Variants in MAGI1 observed in about 807,000 individuals in gnomAD.
MAGI1 encodes membrane associated guanylate kinase, WW and PDZ domain containing 1, also known as membrane-associated guanylate kinase, WW and PDZ domain-containing protein 1.
In MAGI1, 58 loss-of-function variants were observed where a neutral mutation model predicts 139.9. The observed-to-expected ratio is 0.41, with a 90% confidence interval of 0.34 to 0.52. The LOEUF is 0.52. Among genes scored for constraint, MAGI1 ranks in the 20% least tolerant of loss-of-function variants. The pLI is 0.12. For synonymous variants in MAGI1, 812 were observed against 737.9 expected (o/e 1.10, Z -1.63); for missense variants, 1,874 against 1,901.6 (o/e 0.99, Z 0.27).
chr3:65,864,509 A>G (rs563557162), intron 1 of MAGI1, among the ~76,000 whole-genome samples: 9 of 152,392 alleles, frequency 5.9e-5, no homozygotes, highest in African/African-American at 1.4e-4. Flanking sequence ...GCCACCCGTC[A>G]GCGAGACGGC....
At chr3:65,604,176 T>G (rs2082621889) in intron 2 of MAGI1, among the ~76,000 whole-genome samples, 1 of 151,694 alleles carries the variant, frequency 6.6e-6, no homozygotes, top group African/African-American at 2.4e-5. Context: ...CATTTATGTT[T>G]AAAAACATCC....
At chr3:65,670,104 C>A (rs1005372348) in intron 1 of MAGI1, among the ~76,000 whole-genome samples, 8 of 152,242 alleles carry the variant, frequency 5.3e-5, no homozygotes, top group Non-Finnish European at 5.9e-5. Flanking sequence ...TAGCAGAATT[C>A]ATGTTGCTCG....
At chr3:66,012,799 G>T (rs2067397851) in intron 1 of MAGI1, among the ~76,000 whole-genome samples, 1 of 151,312 alleles carries the variant, frequency 6.6e-6, no homozygotes, top group African/African-American at 2.4e-5. Context: ...TAAGGGGACA[G>T]ATGTGAAATC....
At chr3:65,407,239 G>A (rs866578802) in intron 12 of MAGI1, among the ~76,000 whole-genome samples, 2 of 152,118 alleles carry the variant, frequency 1.3e-5, no homozygotes, top group African/African-American at 4.8e-5. Flanking sequence ...CTGAGGTCAA[G>A]AGTTTGAGAC....
At chr3:65,956,734 A>C (rs1245377756) in intron 1 of MAGI1, among the ~76,000 whole-genome samples, 3 of 152,318 alleles carry the variant, frequency 2.0e-5, no homozygotes, top group African/African-American at 7.2e-5. Context: ...ATGGTGGCTC[A>C]CACCTGTAAT....
chr3:65,356,770 C>G lies in MAGI1; in HGVS notation c.3997G>C (p.Ala1333Pro). Residue 1333 changes from alanine to proline, a missense_variant, in exon 23 of 23, where the codon GCC becomes CCC. By Grantham distance (27) the Ala-to-Pro change is conservative. Transcript: ENST00000402939. The stretch of plus-strand genomic sequence containing the variant: ...TCCCTCCTCTCCAAAGTGTTGTCGG[C>G]GCTGCGGGTGCCCTCCCTCCGCTTC... ...PEKRREGTRS[A>P]DNTLERREKH... 1 of 1,605,398 alleles carries G rather than the reference C, an allele frequency of 6.2e-7. No individual in the cohort carries two copies. The highest frequency in any genetic ancestry group is 8.5e-7 in the Non-Finnish European group (1 of 1,176,052).
intron 1 of MAGI1, among the ~76,000 whole-genome samples, chr3:65,957,760 T>C (rs1052512399): frequency 2.6e-5 from 4 of 151,948 alleles, no homozygotes; most frequent in South Asian, 4.1e-4. Flanking sequence ...TTCTTTGTTG[T>C]TGTTGTTGTT....
At chr3:65,608,181 C>G (rs2082850988) in intron 2 of MAGI1, among the ~76,000 whole-genome samples, 2 of 152,150 alleles carry the variant, frequency 1.3e-5, no homozygotes, top group African/African-American at 4.8e-5. Flanking sequence ...GTGGCTCATG[C>G]CTGCAATCCC....
chr3:65,480,123 C>T (rs1028996016), intron 3 of MAGI1, among the ~76,000 whole-genome samples: 5 of 142,930 alleles, frequency 3.5e-5, no homozygotes, highest in Admixed American at 7.2e-5. Context: ...AACCTCAGTA[C>T]ATAGTTACAT....
In MAGI1 at chr3:65,676,375, T is replaced by C. The variant is rs75633016; in HGVS notation, c.314-54287A>G. ...TGAAAATACATAGAGCAAATAATCATGACTGCAATAATCACGGTTAGTTCC... is the reference window on the plus strand; with the variant it reads ...TGAAAATACATAGAGCAAATAATCACGACTGCAATAATCACGGTTAGTTCC... On this transcript the variant is annotated intron_variant, in intron 1 of 22. Transcript: ENST00000402939. Among the ~76,000 whole-genome samples the C allele has an allele frequency of 1.2e-3, 184 of 152,314 alleles. 1 individual carries two copies. In the East Asian group the frequency reaches 0.029, roughly 24 times the overall value.
intron 3 of MAGI1, among the ~76,000 whole-genome samples, chr3:65,493,018 C>T (rs1206887791): frequency 6.9e-6 from 1 of 144,838 alleles, no homozygotes; most frequent in Non-Finnish European, 1.5e-5. Context: ...GCAGAGCTTA[C>T]AGTGAGCCAA....
At position 65,478,623 on chromosome 3, in the gene MAGI1, ATCC is replaced by A. The variant is rs779526201; in HGVS notation, c.723_725del (p.Glu241del). ...AGCTGCTGTTCATTTCAGGAACGTC[ATCC>A]TCCTCCTCATTCTCCGCGTGGACTA... is the stretch of plus-strand genomic sequence containing the variant. On this transcript the variant is annotated inframe_deletion, in exon 4 of 23. Coordinates refer to ENST00000402939, the MANE Select transcript of MAGI1 (RefSeq NM_001033057.2). 6.2e-7 allele frequency: 1 copy of A among 1,614,004 alleles called. No individual in the cohort carries two copies. Among genetic ancestry groups the A allele is most frequent in the Non-Finnish European group, 8.5e-7 (1 of 1,179,984 alleles).
chr3:65,618,486 G>C (rs1467986182), intron 2 of MAGI1, among the ~76,000 whole-genome samples: 1 of 152,018 alleles, frequency 6.6e-6, no homozygotes, highest in Non-Finnish European at 1.5e-5. Context: ...TTAAGGTATT[G>C]TGCCTTCCAT....
chr3:65,681,213 C>T (rs1188399148), intron 1 of MAGI1, among the ~76,000 whole-genome samples: 2 of 152,232 alleles, frequency 1.3e-5, no homozygotes, highest in Admixed American at 6.5e-5. Context: ...TTATTTATAA[C>T]ACCAAGAATA....
chr3:65,802,441 T>C (rs1446050144), intron 1 of MAGI1, among the ~76,000 whole-genome samples: 2 of 152,114 alleles, frequency 1.3e-5, no homozygotes, highest in Non-Finnish European at 2.9e-5. Context: ...CTCGTGTAAT[T>C]AAAAATAAAA....
chr3:66,025,068 G>T (rs981507909), intron 1 of MAGI1, among the ~76,000 whole-genome samples: 5 of 152,176 alleles, frequency 3.3e-5, no homozygotes, highest in African/African-American at 1.2e-4. Flanking sequence ...GAAAATATCT[G>T]AAGATGTTCG....
chr3:65,432,603 T>C (rs1246063349), intron 10 of MAGI1, among the ~76,000 whole-genome samples: 3 of 152,188 alleles, frequency 2.0e-5, no homozygotes, highest in African/African-American at 4.8e-5. Context: ...AGCCCTGTCA[T>C]AGTGGCTAAA....
rs139559282 is a variant in MAGI1, at chr3:65,488,304, G to A, written c.550+5208C>T. 4.8e-3 allele frequency among the ~76,000 whole-genome samples: 732 copies of A among 152,150 alleles called. 7 individuals carry two copies. Among genetic ancestry groups the A allele is most frequent in the African/African-American group, 0.016 (678 of 41,528 alleles). On this transcript the variant is annotated intron_variant, in intron 3 of 22. Coordinates refer to ENST00000402939, the MANE Select transcript of MAGI1 (RefSeq NM_001033057.2). ...TTTCTATAAGCTTCTGGAGCGCTGT[G>A]TAGTTTCTCTCAAAACACTCATAAC...
chr3:65,907,233 T>C (rs1193698806), intron 1 of MAGI1, among the ~76,000 whole-genome samples: 3 of 152,228 alleles, frequency 2.0e-5, no homozygotes, highest in Non-Finnish European at 4.4e-5. Context: ...GCATGATGCA[T>C]AGTATTATTG....
Sources: allele counts gnomAD v4.1 joint callset (sites outside exome capture counted in the v4.1 genomes callset), GRCh38; gene constraint gnomAD v4.1.1; transcripts MANE v1.5; gene names NCBI Gene and HGNC (gene_info 2026-07-23, HGNC 2026-07-21).